Variants in ZNF365 observed in about 807,000 individuals in gnomAD.
ZNF365 encodes protein ZNF365.
A neutral mutation model predicts 35.0 loss-of-function variants in ZNF365; 22 were observed. That is an observed-to-expected ratio of 0.63 (90% CI 0.45 to 0.90). The LOEUF (loss-of-function observed/expected upper bound fraction) is 0.90, where lower values mean the gene tolerates loss of function less well. Among genes scored for constraint, ZNF365 ranks in the 40% least tolerant of loss-of-function variants. The pLI is 0.00. For synonymous variants in ZNF365, 188 were observed against 196.2 expected (o/e 0.96, Z 0.35); for missense variants, 448 against 500.3 (o/e 0.90, Z 1.00).
intron 3 of ZNF365, among the ~76,000 whole-genome samples, chr10:62,397,366 A>G (rs534475609): frequency 1.3e-5 from 2 of 152,182 alleles, no homozygotes; most frequent in South Asian, 4.1e-4. Flanking sequence ...TTTTCAGATC[A>G]TTTTAGTACA....
chr10:62,390,676 C>T (rs770191967), intron 3 of ZNF365, among the ~76,000 whole-genome samples: 1 of 152,118 alleles, frequency 6.6e-6, no homozygotes, highest in Non-Finnish European at 1.5e-5. Flanking sequence ...GCAATTTTGT[C>T]ATTGTATGAA....
chr10:62,459,709 T>G, intron 3 of ZNF365: 1 of 1,594,008 alleles, frequency 6.3e-7, no homozygotes, highest in South Asian at 1.2e-5. Context: ...CTAGCTCCAT[T>G]CATGATGGCA....
At chr10:62,472,613 T>A (rs1463228741) in intron 4 of ZNF365, among the ~76,000 whole-genome samples, 1 of 152,220 alleles carries the variant, frequency 6.6e-6, no homozygotes, top group Non-Finnish European at 1.5e-5. Context: ...AGAGTGACCA[T>A]GGCTCTGTGG....
intron 4 of ZNF365, chr10:62,459,820 T>C: frequency 1.3e-6 from 2 of 1,593,518 alleles, no homozygotes; most frequent in South Asian, 2.3e-5. Context: ...CCTGGGTGGG[T>C]GGGTTGGGCC....
downstream of ZNF365, among the ~76,000 whole-genome samples, chr10:62,404,983 C>T (rs1287549242): frequency 6.6e-6 from 1 of 152,202 alleles, no homozygotes; most frequent in African/African-American, 2.4e-5. Context: ...CAATTTTCTA[C>T]TCTCAGCAGG....
At chr10:62,439,332 G>T (rs1004039277) in intron 3 of ZNF365, among the ~76,000 whole-genome samples, 1 of 151,076 alleles carries the variant, frequency 6.6e-6, no homozygotes, top group Non-Finnish European at 1.5e-5. Flanking sequence ...TCACGTGATT[G>T]AGCAATTGAT....
chr10:62,380,360 T>G (rs1160733866), intron 2 of ZNF365, among the ~76,000 whole-genome samples: 1 of 152,272 alleles, frequency 6.6e-6, no homozygotes, highest in African/African-American at 2.4e-5. Flanking sequence ...ATTTTCCTTA[T>G]GATTATCTTA....
chr10:62,402,157 G>C lies in ZNF365; in HGVS notation c.*2368G>C. On this transcript the variant is annotated 3_prime_UTR_variant, in exon 5 of 5. Coordinates refer to ENST00000395254, the MANE Select transcript of ZNF365 (RefSeq NM_014951.3). ...TTAGAGTTAAGGCGGTTGCTTTTTT[G>C]AAGAAATCACCAAAGTTTCTGGGAA... The C allele has an allele frequency of 2.7e-5, 27 of 985,902 alleles. No individual in the cohort carries two copies. Among genetic ancestry groups the C allele is most frequent in the Non-Finnish European group, 3.3e-5 (27 of 829,900 alleles). The allele number at this position is 985,902 out of a possible 1,614,324, so 61.1% of individuals were successfully genotyped here. A position where few individuals can be genotyped will look rare whatever the true frequency, so the allele number is the denominator to read the frequency against.
chr10:62,459,859 G>A, intron 4 of ZNF365: 1 of 1,489,144 alleles, frequency 6.7e-7, no homozygotes, highest in Non-Finnish European at 9.2e-7. Context: ...GCCCATCTGG[G>A]TCCATATGAG....
chr10:62,396,216 G>A (rs1839724858), intron 3 of ZNF365, among the ~76,000 whole-genome samples: 3 of 152,196 alleles, frequency 2.0e-5, no homozygotes, highest in Admixed American at 6.5e-5. Flanking sequence ...AATTTATTGT[G>A]TACATACTTC....
chr10:62,402,010 A>G lies in ZNF365; in HGVS notation c.*2221A>G. 4.1e-6 allele frequency: 4 copies of G among 985,634 alleles called. No individual in the cohort carries two copies. Among genetic ancestry groups the G allele is most frequent in the Non-Finnish European group, 4.8e-6 (4 of 829,910 alleles). 61.1% of individuals were successfully genotyped at this position (985,634 alleles called of 1,614,324 possible). On this transcript the variant is annotated 3_prime_UTR_variant, in exon 5 of 5. Coordinates refer to ENST00000395254, the MANE Select transcript of ZNF365 (RefSeq NM_014951.3). ...CTTAGAGACATAAATTTAGTGTCAA[A>G]ACATGGGAGATGGCTTACTCAGAAG...
chr10:62,402,134 A>C lies in ZNF365; in HGVS notation c.*2345A>C, dbSNP rs1003473820. ...TTTGTCCACATGGGCCGTTGACCTT[A>C]GAGTTAAGGCGGTTGCTTTTTTGAA... On this transcript the variant is annotated 3_prime_UTR_variant, in exon 5 of 5. Coordinates refer to ENST00000395254, the MANE Select transcript of ZNF365 (RefSeq NM_014951.3). The C allele has an allele frequency of 1.0e-6, 1 of 985,824 alleles. No individual in the cohort carries two copies. The highest frequency in any genetic ancestry group is 1.2e-6 in the Non-Finnish European group (1 of 829,932). 61.1% of individuals were successfully genotyped at this position (985,824 alleles called of 1,614,324 possible).
intron 4 of ZNF365, among the ~76,000 whole-genome samples, chr10:62,467,451 A>G (rs1840962468): frequency 6.6e-6 from 1 of 152,250 alleles, no homozygotes; most frequent in Admixed American, 6.5e-5. Context: ...ACTTCTGGGA[A>G]TTAATGAGTA....
At chr10:62,441,599 T>C (rs1321319976) in intron 3 of ZNF365, among the ~76,000 whole-genome samples, 2 of 152,024 alleles carry the variant, frequency 1.3e-5, no homozygotes, top group Non-Finnish European at 2.9e-5. Flanking sequence ...GTAATACAGC[T>C]CCATGGTTGT....
chr10:62,414,989 A>G (rs1319408551), intron 3 of ZNF365, among the ~76,000 whole-genome samples: 4 of 152,152 alleles, frequency 2.6e-5, no homozygotes, highest in African/African-American at 9.7e-5. Flanking sequence ...TCATAATTTC[A>G]GATGTTACAT....
Position 62,376,631 on chromosome 10 carries a change from T to C in ZNF365, c.438T>C (p.Pro146=). Residue 146 remains proline (P), a synonymous_variant, in exon 2 of 5, where the codon CCT becomes CCC. Coordinates refer to ENST00000395254, the MANE Select transcript of ZNF365 (RefSeq NM_014951.3). Reference sequence around the variant, plus strand: ...CGCTGGATGGGACACGGTCGGGTCCTGGACTGCCCACCTCAGACACCAAAG... The same window carrying C: ...CGCTGGATGGGACACGGTCGGGTCCCGGACTGCCCACCTCAGACACCAAAG... ...ADSLDGTRSG[P]GLPTSDTKAS... 1 of 1,614,192 alleles carries C rather than the reference T, an allele frequency of 6.2e-7. No individual in the cohort carries two copies. Among genetic ancestry groups the C allele is most frequent in the Non-Finnish European group, 8.5e-7 (1 of 1,180,028 alleles).
intron 3 of ZNF365, among the ~76,000 whole-genome samples, chr10:62,442,715 G>A (rs954970366): frequency 3.3e-5 from 5 of 152,134 alleles, no homozygotes; most frequent in Admixed American, 1.3e-4. Flanking sequence ...TCAACTCCTG[G>A]TTCTTCTTTT....
intron 2 of ZNF365, 97 bp from the exon 3 acceptor site, chr10:62,388,299 T>C: frequency 7.3e-7 from 1 of 1,369,080 alleles, no homozygotes; most frequent in Non-Finnish European, 1.0e-6. Context: ...CCTAGGGTGT[T>C]AACTGACAAA....
intron 3 of ZNF365, among the ~76,000 whole-genome samples, chr10:62,431,725 A>G (rs919775591): frequency 1.3e-5 from 2 of 152,248 alleles, no homozygotes; most frequent in Non-Finnish European, 2.9e-5. Flanking sequence ...GCTTCTGGAT[A>G]TAAGAATAGG....
Sources: gnomAD v4.1 joint callset for allele counts (sites outside exome capture counted in the v4.1 genomes callset) on GRCh38, gnomAD v4.1.1 for gene constraint, MANE v1.5 for transcripts, NCBI Gene and HGNC (gene_info 2026-07-23, HGNC 2026-07-21) for gene names.